SGCA: variants seen among roughly 807,000 people sequenced by gnomAD.
SGCA encodes alpha-sarcoglycan.
Under a neutral mutation model 38.1 loss-of-function variants are expected in SGCA, and 34 were observed. That is an observed-to-expected ratio of 0.89 (90% CI 0.68 to 1.19). The LOEUF (loss-of-function observed/expected upper bound fraction) is 1.19. SGCA is among the 50% of genes most tolerant of loss of function. SGCA has a pLI of 0.00. For missense variants in SGCA, 476 were observed against 524.9 expected, an observed-to-expected ratio of 0.91 and a Z score of 0.91; for synonymous variants, 209 against 214.6, an observed-to-expected ratio of 0.97 and a Z score of 0.23.
rs1905020608 is a variant in SGCA at position 50,167,606 on chromosome 17, C to T, written c.182C>T (p.Thr61Ile). 6.2e-7 allele frequency: 1 copy of T among 1,613,738 alleles called. No individual in the cohort carries two copies. Among genetic ancestry groups the T allele is most frequent in the Non-Finnish European group, 8.5e-7 (1 of 1,180,032 alleles). ...GCTGTCCCACCCGCTGTCCACATCA[C>T]CTACCACGCCCACCTCCAGGGACAC... The part of the protein sequence containing the change: ...HVAVPPAVHI[T>I]YHAHLQGHPD... Residue 61 changes from threonine to isoleucine, a missense_variant, in exon 3 of 10, where the codon ACC becomes ATC. By Grantham distance (89) the Thr-to-Ile change is moderately conservative (BLOSUM62 -1). Coordinates refer to ENST00000262018, the MANE Select transcript of SGCA (RefSeq NM_000023.4). This position sits in a 1 kb window ranked among gnomAD's most constrained non-coding sequence, Gnocchi z 4.5.
chr17:50,168,264 A>G (rs1169586635), intron 4 of SGCA, 110 bp from the exon 5 acceptor site: 1 of 973,918 alleles, frequency 1.0e-6, no homozygotes, highest in African/African-American at 1.6e-5. Context: ...TGGATGGGGC[A>G]TTGAGGGGCC....
Position 50,170,132 on chromosome 17 carries a change from T to C in SGCA, c.748-11T>C. The C allele has an allele frequency of 6.2e-7, 1 of 1,613,076 alleles. No individual in the cohort carries two copies. Among genetic ancestry groups the C allele is most frequent in the Non-Finnish European group, 8.5e-7 (1 of 1,179,220 alleles). ...GCCACTTCCTGCGTCAGCCCTGAGC[T>C]CTCTGTGCAGGTGGATAAGTCAGTG... On this transcript the variant is annotated splice_polypyrimidine_tract_variant and intron_variant, in intron 6 of 9. Coordinates refer to ENST00000262018, the MANE Select transcript of SGCA (RefSeq NM_000023.4).
At chr17:50,168,071 T>C (rs1426876135) in intron 4 of SGCA, 52 bp downstream of exon 4, 2 of 1,520,772 alleles carry the variant, frequency 1.3e-6, no homozygotes, top group Middle Eastern at 3.4e-4. Context: ...TCTTGGGGAA[T>C]CTCTCCCGGA....
chr17:50,166,120 G>A, intron 1 of SGCA, 43 bp downstream of exon 1: 3 of 1,558,796 alleles, frequency 1.9e-6, no homozygotes, highest in African/African-American at 1.4e-5. Flanking sequence ...AGGATGAGGG[G>A]GCAGGATTTA....
intron 8 of SGCA, chr17:50,171,327 T>C: frequency 5.6e-6 from 2 of 357,092 alleles, no homozygotes; most frequent in South Asian, 4.2e-5. Context: ...TCCTCTCTTA[T>C]TTTGGCCTGG....
At chr17:50,171,671 C>T (rs1006308166) in intron 8 of SGCA, 1 of 456,824 alleles carries the variant, frequency 2.2e-6, no homozygotes, top group Admixed American at 2.3e-5. Context: ...GACTTGGAGG[C>T]CTGCTTCTTG....
intron 7 of SGCA, 101 bp downstream of exon 7, chr17:50,170,452 T>C: frequency 7.2e-7 from 1 of 1,394,546 alleles, no homozygotes; most frequent in Non-Finnish European, 1.0e-6. Flanking sequence ...ACCATGGGAA[T>C]GGGGTTCTCA....
At chr17:50,168,241 T>C (rs527985789) in intron 4 of SGCA, 133 bp from the exon 5 acceptor site, 56 of 862,396 alleles carry the variant, frequency 6.5e-5, no homozygotes, top group Admixed American at 4.4e-4. Flanking sequence ...ACTTGGCTTG[T>C]TGGGGTCTGT....
Position 50,167,641 on chromosome 17 carries a change from C to T in SGCA, c.217C>T (p.Pro73Ser). Residue 73 changes from proline (P) to serine (S), a missense_variant, in exon 3 of 10, where the codon CCC becomes TCC. Coordinates refer to ENST00000262018, the MANE Select transcript of SGCA (RefSeq NM_000023.4). This position sits in a 1 kb window ranked among gnomAD's most constrained non-coding sequence, Gnocchi z 4.5. ...CCACCTCCAGGGACACCCAGACCTG[C>T]CCCGGTGGCTCCGCTACACCCAGCG... ...HAHLQGHPDL[P>S]RWLRYTQRSP... The T allele has an allele frequency of 1.2e-6, 2 of 1,613,940 alleles. No individual in the cohort carries two copies. Among genetic ancestry groups the T allele is most frequent in the Non-Finnish European group, 1.7e-6 (2 of 1,179,994 alleles).
chr17:50,172,169 C>T (rs765348604), intron 8 of SGCA: 27 of 456,852 alleles, frequency 5.9e-5, no homozygotes, highest in Non-Finnish European at 1.0e-4. Context: ...CTCCGGCCCT[C>T]ACCTTTACCT....
At chr17:50,170,823 G>A (rs1477774268) in intron 8 of SGCA, among the ~76,000 whole-genome samples, 157 bp downstream of exon 8, 2 of 152,218 alleles carry the variant, frequency 1.3e-5, no homozygotes, top group Non-Finnish European at 2.9e-5. Context: ...ACTTTGGGAG[G>A]CTGAGGTGGG....
Position 50,168,000 on chromosome 17 carries a change from G to C in SGCA, c.366G>C (p.Leu122=). The change falls in exon 4 of 10, where the codon CTG becomes CTC. Residue 122 remains leucine (L), a synonymous_variant. Transcript: ENST00000262018. This position sits in a 1 kb window ranked among gnomAD's most constrained non-coding sequence, Gnocchi z 4.5. ...ATACCACTCGGCAGAGGCTGGTGCTGGAGATTGGGGACCCAGAAGGTACCT... is the reference window on the plus strand; with the variant it reads ...ATACCACTCGGCAGAGGCTGGTGCTCGAGATTGGGGACCCAGAAGGTACCT... ...SFDTTRQRLV[L]EIGDPEGPLL... 2 of 1,614,096 alleles carry C rather than the reference G, an allele frequency of 1.2e-6. No homozygotes were observed. Among genetic ancestry groups the C allele is most frequent in the Non-Finnish European group, 1.7e-6 (2 of 1,179,940 alleles).
At position 50,170,245 on chromosome 17, in the gene SGCA, C is replaced by G. The variant is rs137852623; in HGVS notation, c.850C>G (p.Arg284Gly). The G allele has an allele frequency of 4.8e-5, 78 of 1,614,186 alleles. No homozygotes were observed. Among genetic ancestry groups the G allele is most frequent in the Non-Finnish European group, 6.4e-5 (75 of 1,180,018 alleles). The change falls in exon 7 of 10, where the codon CGT becomes GGT. Residue 284 changes from arginine to glycine, a missense_variant. Coordinates refer to ENST00000262018, the MANE Select transcript of SGCA (RefSeq NM_000023.4). ...CTGCCCACCCACTGAGGCCCCAGAC[C>G]GTGACTTCTTGGTGGATGCTCTGGT... ...FFCPPTEAPDRDFLVDALVTL... is the reference protein window; with the variant it reads ...FFCPPTEAPDGDFLVDALVTL...
intron 9 of SGCA, 77 bp from the exon 10 acceptor site, chr17:50,175,635 C>T (rs1440075545): frequency 2.9e-6 from 2 of 696,416 alleles, no homozygotes; most frequent in Admixed American, 2.0e-5. Context: ...CAAGCACTCG[C>T]AGTTGGAGTG....
intron 8 of SGCA, chr17:50,172,401 T>C: frequency 2.4e-6 from 1 of 423,326 alleles, no homozygotes; most frequent in South Asian, 1.7e-5. Context: ...GGAGGAGGGC[T>C]GCGCTTGTGG....
chr17:50,172,797 G>A (rs1567744790), intron 8 of SGCA, among the ~76,000 whole-genome samples: 1 of 152,156 alleles, frequency 6.6e-6, no homozygotes, highest in African/African-American at 2.4e-5. Context: ...GAACAGAGAT[G>A]TACGCTAAGT....
In SGCA at chr17:50,168,645, C is replaced by A; in HGVS notation, c.584+73C>A. On this transcript the variant is annotated intron_variant, in intron 5 of 9. Coordinates refer to ENST00000262018, the MANE Select transcript of SGCA (RefSeq NM_000023.4). Reference sequence around the variant, plus strand: ...TGTGGCGGGCATAGAACAAGGGTCTCCCTAATTTCCAGGTGGGGCTTTACC... The same window carrying A: ...TGTGGCGGGCATAGAACAAGGGTCTACCTAATTTCCAGGTGGGGCTTTACC... 1.2e-5 allele frequency: 17 copies of A among 1,384,702 alleles called. 1 individual carries two copies. Among genetic ancestry groups the A allele is most frequent in the Non-Finnish European group, 1.7e-5 (17 of 998,184 alleles). 85.8% of individuals were successfully genotyped at this position (1,384,702 alleles called of 1,614,324 possible).
At chr17:50,166,736 C>CACTT (rs1904853561) in intron 1 of SGCA, among the ~76,000 whole-genome samples, 1 of 121,902 alleles carries the variant, frequency 8.2e-6, no homozygotes, top group African/African-American at 3.6e-5. Context: ...CTCACACACA[C>CACTT]CCTCACACAC....
In SGCA at chr17:50,167,059, A is replaced by C. The variant is rs979515186; in HGVS notation, c.38-309A>C. On this transcript the variant is annotated intron_variant, in intron 1 of 9. Transcript: ENST00000262018. This position sits in a 1 kb window ranked among gnomAD's most constrained non-coding sequence, Gnocchi z 4.5. Reference sequence around the variant, plus strand: ...CCCACATCCCCTCACACACACACACACCCTCACACACACACTTCCCAGTCA... The same window carrying C: ...CCCACATCCCCTCACACACACACACCCCCTCACACACACACTTCCCAGTCA... Among the ~76,000 whole-genome samples, 74 of 150,426 alleles carry C rather than the reference A, an allele frequency of 4.9e-4. No homozygotes were observed. The highest frequency in any genetic ancestry group is 1.7e-3 in the African/African-American group (70 of 40,882).
Sources: allele counts gnomAD v4.1 joint callset (sites outside exome capture counted in the v4.1 genomes callset), GRCh38; gene constraint gnomAD v4.1.1; non-coding constraint Gnocchi (gnomAD v3.1); transcripts MANE v1.5; gene names NCBI Gene and HGNC (gene_info 2026-07-23, HGNC 2026-07-21).